The following NRXN3 variants were observed in gnomAD, a reference collection of about 807,000 sequenced individuals.
NRXN3 encodes neurexin 3.
In NRXN3, 32 loss-of-function variants were observed where a neutral mutation model predicts 137.6. The observed-to-expected ratio is 0.23, with a 90% CI of 0.18 to 0.31. The LOEUF (loss-of-function observed/expected upper bound fraction) is 0.31, where lower values mean the gene tolerates loss of function less well. Ranked by LOEUF, NRXN3 falls within the 10% of genes least tolerant of loss-of-function variation. The probability of loss-of-function intolerance (pLI) is 1.00; values close to 1 mark genes in which losing one functional copy is unlikely to be tolerated. For synonymous variants in NRXN3, 798 were observed against 784.5 expected, an observed-to-expected ratio of 1.02 and a Z score of -0.29; for missense variants, 1,574 against 2,062.5, an observed-to-expected ratio of 0.76 and a Z score of 4.59.
intron 2 of NRXN3, among the ~76,000 whole-genome samples, chr14:78,261,573 T>C (rs1201143955): frequency 1.3e-5 from 2 of 152,260 alleles, no homozygotes; most frequent in Non-Finnish European, 2.9e-5. Flanking sequence ...ATCTTTTACT[T>C]GTATTAAATT....
intron 4 of NRXN3, chr14:78,614,926 T>A: frequency 2.2e-6 from 1 of 456,600 alleles, no homozygotes. Flanking sequence ...AAAGCATGAC[T>A]AAGCCTTCTT....
intron 11 of NRXN3, among the ~76,000 whole-genome samples, chr14:78,957,867 TTATC>T (rs747940771): frequency 2.4e-4 from 36 of 152,214 alleles, no homozygotes; most frequent in Non-Finnish European, 2.2e-4. Context: ...TCATTATTAA[TTATC>T]TATTCTGCAC....
At chr14:79,266,445 G>T (rs1414353298) in intron 15 of NRXN3, among the ~76,000 whole-genome samples, 1 of 151,906 alleles carries the variant, frequency 6.6e-6, no homozygotes, top group Non-Finnish European at 1.5e-5. Flanking sequence ...TGGGACTGAT[G>T]TTATTGATCA....
intron 16 of NRXN3, among the ~76,000 whole-genome samples, chr14:79,548,260 C>T (rs1348813062): frequency 2.6e-5 from 4 of 152,146 alleles, no homozygotes; most frequent in Non-Finnish European, 4.4e-5. Flanking sequence ...CGTTGTTCAA[C>T]TCCCACTTAT....
chr14:78,821,433 C>T (rs2098950441), intron 10 of NRXN3, among the ~76,000 whole-genome samples: 2 of 151,992 alleles, frequency 1.3e-5, no homozygotes, highest in South Asian at 2.1e-4. Context: ...CCCCAGAATC[C>T]GAGGAGAAGG....
intron 17 of NRXN3, among the ~76,000 whole-genome samples, chr14:79,676,396 T>C (rs1182479632): frequency 6.6e-6 from 1 of 152,064 alleles, no homozygotes; most frequent in African/African-American, 2.4e-5. Flanking sequence ...TTTCTATGTA[T>C]TTCCTTCACT....
chr14:78,926,141 A>G (rs1287580150), intron 10 of NRXN3, among the ~76,000 whole-genome samples: 1 of 152,110 alleles, frequency 6.6e-6, no homozygotes, highest in Non-Finnish European at 1.5e-5. Flanking sequence ...GTTCCCACCT[A>G]TTCATGAGAG....
At chr14:78,534,627 A>G (rs932072728) in intron 4 of NRXN3, among the ~76,000 whole-genome samples, 2 of 152,170 alleles carry the variant, frequency 1.3e-5, no homozygotes, top group Non-Finnish European at 2.9e-5. Context: ...CATTCCTCAG[A>G]ACGCTTTTAG....
rs112913695 is a variant in NRXN3 at position 79,066,557 on chromosome 14, A to G, written c.3262+78416A>G. On this transcript the variant is annotated intron_variant, in intron 15 of 20. Transcript: ENST00000335750. ...GGTAGTTTAATGGGAATAGCATTGA[A>G]TCTATAAATTACTTTGGGCAGTATG... 8.1e-3 allele frequency among the ~76,000 whole-genome samples: 1,226 copies of G among 152,248 alleles called. 13 individuals carry two copies. Among genetic ancestry groups the G allele is most frequent in the African/African-American group, 0.028 (1,148 of 41,532 alleles).
chr14:78,797,521 TAATAA>T (rs960514079), intron 8 of NRXN3, among the ~76,000 whole-genome samples: 1 of 152,188 alleles, frequency 6.6e-6, no homozygotes, highest in African/African-American at 2.4e-5. Context: ...ATCAAGTAGA[TAATAA>T]AATAATGAAA....
intron 15 of NRXN3, among the ~76,000 whole-genome samples, chr14:79,252,389 C>T (rs2076058046): frequency 6.6e-6 from 1 of 152,032 alleles, no homozygotes; most frequent in Non-Finnish European, 1.5e-5. Flanking sequence ...TTTTTAATTG[C>T]CAGGGATATT....
intron 4 of NRXN3, among the ~76,000 whole-genome samples, chr14:78,429,915 C>G (rs2153686163): frequency 6.6e-6 from 1 of 152,256 alleles, no homozygotes; most frequent in Admixed American, 6.5e-5. Flanking sequence ...TACAAAGATT[C>G]CTACTGAATC....
At chr14:79,674,959 G>A (rs1026963034) in intron 17 of NRXN3, among the ~76,000 whole-genome samples, 2 of 151,932 alleles carry the variant, frequency 1.3e-5, no homozygotes, top group Non-Finnish European at 2.9e-5. Context: ...AATATTTTAG[G>A]GGAAAAATAT....
At chr14:79,439,008 G>A (rs1273510517) in intron 15 of NRXN3, among the ~76,000 whole-genome samples, 1 of 152,232 alleles carries the variant, frequency 6.6e-6, no homozygotes, top group African/African-American at 2.4e-5. Context: ...AGATTTTGAA[G>A]TAAATAGAAC....
At chr14:79,031,605 G>A (rs575918062) in intron 15 of NRXN3, among the ~76,000 whole-genome samples, 1 of 152,158 alleles carries the variant, frequency 6.6e-6, no homozygotes, top group South Asian at 2.1e-4. Flanking sequence ...AGTGAGAATC[G>A]TAATATACTT....
At chr14:79,172,202 A>AG (rs2061851738) in intron 15 of NRXN3, among the ~76,000 whole-genome samples, 1 of 151,586 alleles carries the variant, frequency 6.6e-6, no homozygotes, top group East Asian at 1.9e-4. Flanking sequence ...GAAAAAAAAA[A>AG]CAATTAACTG....
At chr14:79,034,237 G>A (rs564356404) in intron 15 of NRXN3, among the ~76,000 whole-genome samples, 40 of 151,916 alleles carry the variant, frequency 2.6e-4, no homozygotes, top group Admixed American at 2.5e-3. Context: ...CCTGAGTAGA[G>A]GCCACTTCAA....
At chr14:79,393,847 C>G (rs958990811) in intron 15 of NRXN3, among the ~76,000 whole-genome samples, 1 of 151,976 alleles carries the variant, frequency 6.6e-6, no homozygotes, top group Non-Finnish European at 1.5e-5. Context: ...AGTTATAGTT[C>G]AGAATATTTA....
At chr14:79,546,868 G>T (rs979829651) in intron 16 of NRXN3, among the ~76,000 whole-genome samples, 16 of 152,176 alleles carry the variant, frequency 1.1e-4, no homozygotes, top group Non-Finnish European at 1.9e-4. Context: ...CTGCTGCGGG[G>T]AGAGCAGACT....
Sources: gnomAD v4.1 joint callset for allele counts (sites outside exome capture counted in the v4.1 genomes callset) on GRCh38, gnomAD v4.1.1 for gene constraint, MANE v1.5 for transcripts, NCBI Gene and HGNC (gene_info 2026-07-23, HGNC 2026-07-21) for gene names.